Variants in GPC6 observed in about 807,000 individuals in gnomAD.
The protein encoded by GPC6 is glypican-6.
In GPC6, 14 loss-of-function variants were observed where a neutral mutation model predicts 55.2. The observed-to-expected ratio is 0.25, with a 90% CI of 0.17 to 0.40. The LOEUF (loss-of-function observed/expected upper bound fraction) is 0.40, where lower values mean the gene tolerates loss of function less well. GPC6 is among the 10% of genes least tolerant of loss of function. The probability of loss-of-function intolerance (pLI) is 1.00; values close to 1 mark genes in which losing one functional copy is unlikely to be tolerated. For synonymous variants in GPC6, 278 were observed against 259.6 expected (o/e 1.07, Z -0.68); for missense variants, 641 against 708.5 (o/e 0.90, Z 1.08).
chr13:93,971,621 G>A (rs1880285915), intron 3 of GPC6, among the ~76,000 whole-genome samples: 2 of 152,332 alleles, frequency 1.3e-5, no homozygotes, highest in Admixed American at 6.5e-5. Flanking sequence ...AGATCAATGT[G>A]ATGCTACAGA....
At chr13:94,025,231 G>A (rs1882849634) in intron 3 of GPC6, among the ~76,000 whole-genome samples, 1 of 152,140 alleles carries the variant, frequency 6.6e-6, no homozygotes, top group Non-Finnish European at 1.5e-5. Flanking sequence ...TTGGAGAAAA[G>A]CATCAGTCAG....
At chr13:94,178,706 T>A (rs183784654) in intron 4 of GPC6, among the ~76,000 whole-genome samples, 7 of 152,348 alleles carry the variant, frequency 4.6e-5, no homozygotes, top group Admixed American at 2.0e-4. Context: ...AGATTTTTTT[T>A]AAGAGTTTCT....
chr13:93,629,757 C>G (rs2139569566), intron 2 of GPC6, among the ~76,000 whole-genome samples: 1 of 152,154 alleles, frequency 6.6e-6, no homozygotes, highest in East Asian at 1.9e-4. Context: ...AATAGCTGTG[C>G]TCTTATGTCT....
At chr13:94,130,437 C>A (rs1355497000) in intron 4 of GPC6, among the ~76,000 whole-genome samples, 2 of 151,980 alleles carry the variant, frequency 1.3e-5, no homozygotes, top group Non-Finnish European at 2.9e-5. Context: ...GTGTTAATAC[C>A]ATAGCACTGT....
intron 1 of GPC6, among the ~76,000 whole-genome samples, chr13:93,539,804 G>T (rs1338175940): frequency 6.6e-6 from 1 of 151,294 alleles, no homozygotes; most frequent in African/African-American, 2.4e-5. Flanking sequence ...CAATTCTCCT[G>T]CCTCAGCCTC....
chr13:93,495,996 C>G (rs1172580715), intron 1 of GPC6, among the ~76,000 whole-genome samples: 2 of 151,246 alleles, frequency 1.3e-5, no homozygotes, highest in African/African-American at 4.9e-5. Flanking sequence ...TGCCCTGCCC[C>G]CAGAGGTGGA....
At chr13:94,105,604 G>C (rs1886024875) in intron 4 of GPC6, among the ~76,000 whole-genome samples, 1 of 152,208 alleles carries the variant, frequency 6.6e-6, no homozygotes, top group East Asian at 1.9e-4. Flanking sequence ...GAAGGTGAGA[G>C]AGAGCATATG....
At chr13:93,453,962 T>G (rs969826526) in intron 1 of GPC6, among the ~76,000 whole-genome samples, 1 of 152,140 alleles carries the variant, frequency 6.6e-6, no homozygotes, top group Non-Finnish European at 1.5e-5. Context: ...TCCTGCTGAT[T>G]GGTAGAGCGG....
At chr13:93,644,235 C>T (rs369239261) in intron 2 of GPC6, among the ~76,000 whole-genome samples, 106 of 152,154 alleles carry the variant, frequency 7.0e-4, no homozygotes, top group African/African-American at 2.5e-3. Flanking sequence ...GGAAATTATA[C>T]TTCTTCTAGA....
intron 4 of GPC6, among the ~76,000 whole-genome samples, chr13:94,089,706 A>G (rs1474297443): frequency 1.3e-5 from 2 of 152,194 alleles, no homozygotes; most frequent in African/African-American, 2.4e-5. Flanking sequence ...CTGAAACAAG[A>G]AGGTAGAACT....
At chr13:93,924,787 G>A (rs2140348587) in intron 3 of GPC6, among the ~76,000 whole-genome samples, 1 of 149,292 alleles carries the variant, frequency 6.7e-6, no homozygotes, top group Non-Finnish European at 1.5e-5. Context: ...CAGATCTTGA[G>A]TCACATTAGT....
intron 1 of GPC6, among the ~76,000 whole-genome samples, chr13:93,512,643 A>G (rs766746348): frequency 1.3e-5 from 2 of 151,760 alleles, no homozygotes; most frequent in African/African-American, 2.4e-5. Context: ...GTGTCATCTG[A>G]TATTGGTTAT....
intron 4 of GPC6, among the ~76,000 whole-genome samples, chr13:94,150,651 T>G (rs749940658): frequency 6.6e-6 from 1 of 151,808 alleles, no homozygotes; most frequent in Non-Finnish European, 1.5e-5. Flanking sequence ...GGAAGCATTC[T>G]TTGATATCCA....
At position 93,870,679 on chromosome 13, in the gene GPC6, A is replaced by G. The variant is rs79077274; in HGVS notation, c.711+40134A>G. On this transcript the variant is annotated intron_variant, in intron 3 of 8. Transcript: ENST00000377047. ...TTAGTCCAAATCCAATATGATTGGT[A>G]TCTTTATAAGAAGAGATAAGGACAC... Among the ~76,000 whole-genome samples, 664 of 151,882 alleles carry G rather than the reference A, an allele frequency of 4.4e-3. 4 individuals are homozygous for G. Among genetic ancestry groups the G allele is most frequent in the African/African-American group, 0.015 (615 of 41,432 alleles).
chr13:93,600,686 T>A (rs1877971352), intron 2 of GPC6, among the ~76,000 whole-genome samples: 1 of 152,146 alleles, frequency 6.6e-6, no homozygotes, highest in African/African-American at 2.4e-5. Context: ...TGATTTCGGC[T>A]CATGCCTGTA....
rs141246288 is a variant in GPC6, at chr13:94,004,819, G to A, written c.712-22910G>A. Among the ~76,000 whole-genome samples, 449 of 152,234 alleles carry A rather than the reference G, an allele frequency of 2.9e-3. 16 individuals carry two copies. In the East Asian group the frequency reaches 0.076, roughly 26 times the overall value. On this transcript the variant is annotated intron_variant, in intron 3 of 8. Coordinates refer to ENST00000377047, the MANE Select transcript of GPC6 (RefSeq NM_005708.5). Reference sequence around the variant, plus strand: ...TACCTGTCATCCCAGCACTTTGGGAGGCTGAGGCAGGCAGGTCACCTGAAG... The same window carrying A: ...TACCTGTCATCCCAGCACTTTGGGAAGCTGAGGCAGGCAGGTCACCTGAAG...
At chr13:93,788,281 G>T (rs1045466713) in intron 2 of GPC6, among the ~76,000 whole-genome samples, 5 of 152,064 alleles carry the variant, frequency 3.3e-5, no homozygotes, top group Admixed American at 6.6e-5. Context: ...ACAGCAGAAG[G>T]CTCAAGGGCA....
chr13:93,998,914 A>G (rs1243040826), intron 3 of GPC6, among the ~76,000 whole-genome samples: 1 of 152,160 alleles, frequency 6.6e-6, no homozygotes, highest in East Asian at 1.9e-4. Flanking sequence ...ATGTTGTATA[A>G]TAGATCTCGT....
At chr13:94,165,701 T>C (rs543331690) in intron 4 of GPC6, among the ~76,000 whole-genome samples, 1 of 152,312 alleles carries the variant, frequency 6.6e-6, no homozygotes, top group South Asian at 2.1e-4. Context: ...AGGTATGCTA[T>C]AGTGCTACAA....
Sources: gnomAD v4.1 joint callset for allele counts (sites outside exome capture counted in the v4.1 genomes callset) on GRCh38, gnomAD v4.1.1 for gene constraint, MANE v1.5 for transcripts, NCBI Gene and HGNC (gene_info 2026-07-23, HGNC 2026-07-21) for gene names.